Variants in ZMIZ1 observed in about 807,000 individuals in gnomAD.
ZMIZ1 encodes the protein zinc finger MIZ-type containing 1.
A neutral mutation model predicts 113.9 loss-of-function variants in ZMIZ1; 17 were observed. The observed-to-expected ratio is 0.15, with a 90% confidence interval of 0.10 to 0.22. The LOEUF (loss-of-function observed/expected upper bound fraction) is 0.22, where lower values mean the gene tolerates loss of function less well. ZMIZ1 is among the 10% of genes least tolerant of loss of function. The pLI, the probability that ZMIZ1 is intolerant of heterozygous loss-of-function variation, is 1.00. For missense variants in ZMIZ1, 1,059 were observed against 1,477.8 expected (o/e 0.72, Z 4.65); for synonymous variants, 607 against 603.1 (o/e 1.01, Z -0.09).
intron 7 of ZMIZ1, among the ~76,000 whole-genome samples, chr10:79,268,928 A>AACCG (rs1851766157): frequency 1.3e-5 from 2 of 152,176 alleles, no homozygotes; most frequent in Non-Finnish European, 2.9e-5. Flanking sequence ...ATTGGATTGG[A>AACCG]GCAGGCAAGG....
chr10:79,164,842 T>TCTCC (rs1375897760), intron 4 of ZMIZ1, among the ~76,000 whole-genome samples: 1 of 152,074 alleles, frequency 6.6e-6, no homozygotes, highest in African/African-American at 2.4e-5. Context: ...AGCATGAGGC[T>TCTCC]CTCCAGGATG....
At position 79,296,386 on chromosome 10, in the gene ZMIZ1, G is replaced by C; in HGVS notation, c.1231-85G>C. 6.9e-7 allele frequency: 1 copy of C among 1,451,508 alleles called. No individual in the cohort carries two copies. The highest frequency in any genetic ancestry group is 9.6e-7 in the Non-Finnish European group (1 of 1,043,372). The allele number at this position is 1,451,508 out of a possible 1,614,324, so 89.9% of individuals were successfully genotyped here. A position where few individuals can be genotyped will look rare whatever the true frequency, so the allele number is the denominator to read the frequency against. On this transcript the variant is annotated intron_variant, in intron 12 of 24. Coordinates refer to ENST00000334512, the MANE Select transcript of ZMIZ1 (RefSeq NM_020338.4). This position sits in a 1 kb window ranked among gnomAD's most constrained non-coding sequence, Gnocchi z 4.1. Reference sequence around the variant, plus strand: ...AGCAGGAGCAAATGAGGAGAGGCGGGCCCCATCCCGTTGTTCAGGTGACCT... The same window carrying C: ...AGCAGGAGCAAATGAGGAGAGGCGGCCCCCATCCCGTTGTTCAGGTGACCT...
At chr10:79,129,306 C>A (rs960434005) in intron 2 of ZMIZ1, among the ~76,000 whole-genome samples, 3 of 152,158 alleles carry the variant, frequency 2.0e-5, no homozygotes, top group African/African-American at 7.2e-5. Flanking sequence ...TGCCTGGGAC[C>A]GTCCTGGTTT....
At chr10:79,243,347 TCGG>T (rs543235060) in intron 7 of ZMIZ1, among the ~76,000 whole-genome samples, 3 of 149,448 alleles carry the variant, frequency 2.0e-5, no homozygotes, top group African/African-American at 4.9e-5. Flanking sequence ...GGCTGCCTCC[TCGG>T]CGGCGGCGGC....
intron 17 of ZMIZ1, among the ~76,000 whole-genome samples, chr10:79,301,177 C>G (rs1854277043): frequency 6.6e-6 from 1 of 152,280 alleles, no homozygotes; most frequent in Middle Eastern, 3.4e-3. Context: ...GTGGCCTCTT[C>G]CCCTGGACAC....
At chr10:79,095,962 G>T (rs891010687) in intron 1 of ZMIZ1, among the ~76,000 whole-genome samples, 1 of 152,236 alleles carries the variant, frequency 6.6e-6, no homozygotes, top group Non-Finnish European at 1.5e-5. Flanking sequence ...CGTGAGGCAG[G>T]TGGGGCCACA....
In ZMIZ1 at chr10:79,094,726, A is replaced by G. The variant is rs556539106; in HGVS notation, c.-336-24189A>G. 3.3e-5 allele frequency among the ~76,000 whole-genome samples: 5 copies of G among 152,330 alleles called. No homozygotes were observed. The East Asian group carries it at 9.6e-4, about 29-fold the overall frequency. On this transcript the variant is annotated intron_variant, in intron 1 of 24. Transcript: ENST00000334512. ...CACTTTGGGAGGCCAAGGTGAGCGG[A>G]TCGCTTGAGCTCAGGAGTTCGAGAC...
rs762643137 is a variant in ZMIZ1, at chr10:79,305,521, C to T, written c.2355-12C>T. ...CTGGAGCAGAGGCCAAGCTCCCCAT[C>T]TCCTTTTCCAGTAAAACCGCTCTGC... is the stretch of plus-strand genomic sequence containing the variant. On this transcript the variant is annotated splice_polypyrimidine_tract_variant and intron_variant, in intron 20 of 24. Transcript: ENST00000334512. 3 of 1,614,076 alleles carry T rather than the reference C, an allele frequency of 1.9e-6. No individual in the cohort carries two copies. In the South Asian group the frequency reaches 3.3e-5, roughly 18 times the overall value.
intron 1 of ZMIZ1, among the ~76,000 whole-genome samples, chr10:79,115,122 C>A (rs181889044): frequency 2.0e-5 from 3 of 152,274 alleles, no homozygotes; most frequent in Admixed American, 2.0e-4. Flanking sequence ...GCTTACAGCA[C>A]CCACAGCACC....
At chr10:79,243,844 G>T (rs1392205572) in intron 7 of ZMIZ1, 1 of 167,032 alleles carries the variant, frequency 6.0e-6, no homozygotes, top group Non-Finnish European at 1.3e-5. Context: ...GACAGAGGAG[G>T]GCCGGTGCAT....
intron 1 of ZMIZ1, among the ~76,000 whole-genome samples, chr10:79,076,019 G>A (rs757204249): frequency 9.2e-5 from 14 of 152,212 alleles, no homozygotes; most frequent in East Asian, 1.9e-4. Flanking sequence ...CGGGAGCTTC[G>A]GGGAAAGATC....
chr10:79,135,295 A>G (rs1844953917), intron 2 of ZMIZ1, among the ~76,000 whole-genome samples: 3 of 152,148 alleles, frequency 2.0e-5, no homozygotes, highest in Admixed American at 1.3e-4. Flanking sequence ...TGCAGCCACC[A>G]CTGCCCCATC....
chr10:79,155,557 C>T (rs547990849), intron 3 of ZMIZ1, among the ~76,000 whole-genome samples: 1 of 152,358 alleles, frequency 6.6e-6, no homozygotes, highest in South Asian at 2.1e-4. Context: ...CGCATGTGCA[C>T]CACCAGCCAG....
chr10:79,232,650 A>G (rs145023470), intron 7 of ZMIZ1, among the ~76,000 whole-genome samples: 15 of 152,256 alleles, frequency 9.9e-5, no homozygotes, highest in African/African-American at 3.1e-4. Flanking sequence ...CCATACCTTT[A>G]TGTGAAACCC....
intron 7 of ZMIZ1, among the ~76,000 whole-genome samples, chr10:79,242,222 C>T (rs777302515): frequency 6.6e-6 from 1 of 152,092 alleles, no homozygotes; most frequent in African/African-American, 2.4e-5. Context: ...GACAGACTGG[C>T]TGGAAGGAAG....
intron 7 of ZMIZ1, among the ~76,000 whole-genome samples, chr10:79,218,303 A>G (rs1405317787): frequency 2.0e-5 from 3 of 152,144 alleles, no homozygotes; most frequent in African/African-American, 7.2e-5. Flanking sequence ...GCGAAACCCC[A>G]TATCTACAAA....
rs756770072 is a variant in ZMIZ1, at chr10:79,293,683, G to A, written c.1230+30G>A. On this transcript the variant is annotated intron_variant, in intron 12 of 24. Coordinates refer to ENST00000334512, the MANE Select transcript of ZMIZ1 (RefSeq NM_020338.4). ...GTGCAGCAGTGGGAGCCTGGGAGGTGGGAACTGGGACACCTGGGCTTGAAG... is the reference window on the plus strand; with the variant it reads ...GTGCAGCAGTGGGAGCCTGGGAGGTAGGAACTGGGACACCTGGGCTTGAAG... The A allele has an allele frequency of 3.1e-6, 5 of 1,612,910 alleles. No individual in the cohort carries two copies. In the African/African-American group the frequency reaches 4.0e-5, roughly 13 times the overall value.
At chr10:79,216,726 T>A (rs550905308) in intron 7 of ZMIZ1, among the ~76,000 whole-genome samples, 16 of 152,126 alleles carry the variant, frequency 1.1e-4, no homozygotes, top group Non-Finnish European at 1.9e-4. Context: ...TACTTCAGAG[T>A]CAGCATTCTT....
At chr10:79,136,503 G>A (rs1485139723) in intron 2 of ZMIZ1, among the ~76,000 whole-genome samples, 6 of 152,252 alleles carry the variant, frequency 3.9e-5, no homozygotes, top group Non-Finnish European at 5.9e-5. Flanking sequence ...CCTACTCAGA[G>A]TCAGCCCTAG....
Sources: allele counts gnomAD v4.1 joint callset (sites outside exome capture counted in the v4.1 genomes callset), GRCh38; gene constraint gnomAD v4.1.1; non-coding constraint Gnocchi (gnomAD v3.1); transcripts MANE v1.5; gene names NCBI Gene and HGNC (gene_info 2026-07-23, HGNC 2026-07-21).